ADCY9: variants seen among roughly 807,000 people sequenced by gnomAD.
The protein encoded by ADCY9 is adenylate cyclase type 9.
A neutral mutation model predicts 101.5 loss-of-function variants in ADCY9; 50 were observed. The ratio of observed to expected loss-of-function variants is 0.49; its 90% CI spans 0.39 to 0.62. The LOEUF (loss-of-function observed/expected upper bound fraction) is 0.62, where lower values mean the gene tolerates loss of function less well. Among genes scored for constraint, ADCY9 ranks in the 20% least tolerant of loss-of-function variants. The pLI is 0.00. For missense variants in ADCY9, 1,662 were observed against 1,800.4 expected, an observed-to-expected ratio of 0.92 and a Z score of 1.39; for synonymous variants, 905 against 769.3, an observed-to-expected ratio of 1.18 and a Z score of -2.92.
At chr16:4,039,910 A>T (rs142492188) in intron 2 of ADCY9, among the ~76,000 whole-genome samples, 1,786 of 152,132 alleles carry the variant, frequency 0.012, 33 homozygotes, top group Non-Finnish European at 0.018. Flanking sequence ...ATGATGGTGC[A>T]CACCTGTAGT....
chr16:3,954,675 G>GT (rs1205206618), intron 5 of ADCY9, among the ~76,000 whole-genome samples: 2 of 152,108 alleles, frequency 1.3e-5, no homozygotes, highest in Non-Finnish European at 2.9e-5. Context: ...ATGCTGGGAG[G>GT]TTGCTGCTTT....
rs915968908 is a variant in ADCY9, at chr16:3,965,894, G to C, written c.3943C>G (p.Pro1315Ala). ...HLSPKRPWKE[P>A]VKAEERGRFG... is the part of the protein sequence containing the mutation. ...CGACCCCTTTCTTCGGCTTTGACGG[G>C]CTCCTTCCACGGTCTCTTGGGGGAC... The change falls in exon 11 of 11, where the codon CCC (proline) becomes GCC (alanine). Residue 1315 changes from proline (P) to alanine (A), a missense_variant. By Grantham distance (27) the Pro-to-Ala change is conservative (BLOSUM62 -1). Around this residue, in one of 5 missense-constraint regions of ADCY9, gnomAD observed 168 missense variants for 155.3 expected, o/e 1.08. Transcript: ENST00000294016. 6.2e-7 allele frequency: 1 copy of C among 1,614,180 alleles called. No homozygotes were observed. The highest frequency in any genetic ancestry group is 8.5e-7 in the Non-Finnish European group (1 of 1,180,038).
chr16:4,009,195 T>C (rs1303518724), intron 2 of ADCY9, among the ~76,000 whole-genome samples: 1 of 152,182 alleles, frequency 6.6e-6, no homozygotes, highest in African/African-American at 2.4e-5. Flanking sequence ...AGGTCATAGC[T>C]GAGAATCAAA....
chr16:3,969,291 G>A (rs531776506), intron 10 of ADCY9, among the ~76,000 whole-genome samples: 1 of 150,626 alleles, frequency 6.6e-6, no homozygotes, highest in Non-Finnish European at 1.5e-5. Flanking sequence ...TCTCTAGCCC[G>A]GGCTGGCATG....
At position 4,029,079 on chromosome 16, in the gene ADCY9, G is replaced by A. The variant is rs377269581; in HGVS notation, c.1694-21521C>T. Among the ~76,000 whole-genome samples, 287 of 152,086 alleles carry A rather than the reference G, an allele frequency of 1.9e-3. 4 individuals are homozygous for A. Among genetic ancestry groups the A allele is most frequent in the East Asian group, 9.9e-3 (51 of 5,176 alleles). ...ATTACAGACGTGAGCCACTGCGCCC[G>A]GCCTAGCTATATATTTTTTAAAGTA... On this transcript the variant is annotated intron_variant, in intron 2 of 10. Transcript: ENST00000294016.
chr16:3,958,541 CAAAAAA>C (rs57920543), downstream of ADCY9, among the ~76,000 whole-genome samples: 596 of 104,164 alleles, frequency 5.7e-3, 2 homozygotes, highest in African/African-American at 0.018. Context: ...AACTCCGTCT[CAAAAAA>C]AAAAAAAAAA....
intron 2 of ADCY9, among the ~76,000 whole-genome samples, chr16:4,108,964 C>T (rs1428247273): frequency 6.6e-6 from 1 of 152,066 alleles, no homozygotes; most frequent in Non-Finnish European, 1.5e-5. Flanking sequence ...CCTCGGCCTC[C>T]CAAAGTGTTG....
chr16:4,083,734 C>T (rs2056919782), intron 2 of ADCY9, among the ~76,000 whole-genome samples: 1 of 152,188 alleles, frequency 6.6e-6, no homozygotes, highest in Non-Finnish European at 1.5e-5. Context: ...AAACATTAGG[C>T]TCAGTGAGAG....
intron 2 of ADCY9, among the ~76,000 whole-genome samples, chr16:4,106,703 G>A (rs1015971915): frequency 2.6e-5 from 4 of 151,974 alleles, no homozygotes; most frequent in African/African-American, 7.2e-5. Context: ...AGACAAAGAC[G>A]AGACTTACGG....
intron 2 of ADCY9, among the ~76,000 whole-genome samples, chr16:4,050,713 CAA>C (rs5815192): frequency 2.9e-5 from 2 of 69,658 alleles, no homozygotes; most frequent in Admixed American, 4.0e-4. Flanking sequence ...AACTCCGTCT[CAA>C]AAAAAAAAAA....
intron 2 of ADCY9, among the ~76,000 whole-genome samples, chr16:4,019,635 T>C (rs1348559351): frequency 6.6e-6 from 1 of 152,150 alleles, no homozygotes; most frequent in Non-Finnish European, 1.5e-5. Context: ...GAAACTCCCC[T>C]GTCTTATGGC....
chr16:3,962,247 G>C (rs577846015), downstream of ADCY9, among the ~76,000 whole-genome samples: 1 of 152,220 alleles, frequency 6.6e-6, no homozygotes, highest in South Asian at 2.1e-4. Context: ...TGGGACCCCA[G>C]TGATCTGTGT....
chr16:4,008,730 T>G (rs1244691428), intron 2 of ADCY9, among the ~76,000 whole-genome samples: 1 of 152,100 alleles, frequency 6.6e-6, no homozygotes, highest in East Asian at 1.9e-4. Flanking sequence ...GCCTGGCTAA[T>G]TTTTGTATTT....
downstream of ADCY9, among the ~76,000 whole-genome samples, chr16:3,957,938 G>C (rs535199386): frequency 2.4e-4 from 36 of 152,120 alleles, no homozygotes; most frequent in South Asian, 6.2e-4. Flanking sequence ...TCATCCTAGA[G>C]GGCACGGATT....
chr16:3,998,281 T>A (rs142964172), intron 3 of ADCY9, among the ~76,000 whole-genome samples: 1 of 151,938 alleles, frequency 6.6e-6, no homozygotes, highest in South Asian at 2.1e-4. Flanking sequence ...CACAGTGGTG[T>A]GTGCTTGTAG....
intron 6 of ADCY9, among the ~76,000 whole-genome samples, chr16:3,987,442 C>T (rs1379540263): frequency 2.6e-5 from 4 of 152,252 alleles, no homozygotes; most frequent in Non-Finnish European, 5.9e-5. Flanking sequence ...TGTCCGACCC[C>T]GGCTATGGGA....
intron 2 of ADCY9, among the ~76,000 whole-genome samples, chr16:4,103,993 G>C (rs537905578): frequency 1.3e-4 from 20 of 152,308 alleles, no homozygotes; most frequent in Non-Finnish European, 2.6e-4. Context: ...AGCGGTCCTG[G>C]AGAAAAGCAG....
At chr16:3,986,817 A>C (rs2056197208) in intron 6 of ADCY9, among the ~76,000 whole-genome samples, 1 of 152,176 alleles carries the variant, frequency 6.6e-6, no homozygotes, top group South Asian at 2.1e-4. Flanking sequence ...AGGCTGGTCT[A>C]TCTACTGGCC....
At chr16:4,013,176 A>T (rs1374560996) in intron 2 of ADCY9, among the ~76,000 whole-genome samples, 1 of 151,802 alleles carries the variant, frequency 6.6e-6, no homozygotes, top group Non-Finnish European at 1.5e-5. Context: ...TGAGCCCGGG[A>T]GGTTGAGGCT....
Sources: allele counts gnomAD v4.1 joint callset (sites outside exome capture counted in the v4.1 genomes callset), GRCh38; gene constraint gnomAD v4.1.1; regional missense constraint gnomAD v4.1.1; transcripts MANE v1.5; gene names NCBI Gene and HGNC (gene_info 2026-07-23, HGNC 2026-07-21).